Variants in PPP1R7 observed in about 807,000 individuals in gnomAD.
PPP1R7 encodes the protein protein phosphatase 1 regulatory subunit 22.
Under a neutral mutation model 45.2 loss-of-function variants are expected in PPP1R7, and 18 were observed. The ratio of observed to expected loss-of-function variants is 0.40; its 90% CI spans 0.28 to 0.59. PPP1R7 has a LOEUF of 0.59. Ranked by LOEUF, PPP1R7 falls within the 20% of genes least tolerant of loss-of-function variation. PPP1R7 has a pLI of 0.46. For missense variants in PPP1R7, 314 were observed against 455.8 expected (o/e 0.69, Z 2.83); for synonymous variants, 181 against 183.4 (o/e 0.99, Z 0.11).
rs1215190473 is a variant in PPP1R7, at chr2:241,182,781, C to G, written c.1041C>G (p.Leu347=). 6.2e-7 allele frequency: 1 copy of G among 1,614,062 alleles called. No homozygotes were observed. Among genetic ancestry groups the G allele is most frequent in the Admixed American group, 1.7e-5 (1 of 60,022 alleles). ...PQYRRKVMLA[L]PSVRQIDATF... The stretch of plus-strand genomic sequence containing the variant: ...ACCGGCGGAAGGTCATGCTCGCCCT[C>G]CCCTCCGTGCGGCAGATCGATGCCA... The change falls in exon 10 of 10, where the codon CTC becomes CTG. Residue 347 remains leucine, a synonymous_variant. Transcript: ENST00000234038.
intron 8 of PPP1R7, among the ~76,000 whole-genome samples, chr2:241,166,844 C>T (rs1435283623): frequency 6.6e-6 from 1 of 152,226 alleles, no homozygotes; most frequent in East Asian, 1.9e-4. Flanking sequence ...TCCCTTTAGG[C>T]CACTGACCTG....
At chr2:241,169,759 A>T in intron 8 of PPP1R7, 22 bp from the exon 9 acceptor site, 1 of 1,578,308 alleles carries the variant, frequency 6.3e-7, no homozygotes, top group Non-Finnish European at 8.7e-7. Flanking sequence ...AATCCAGGAA[A>T]CATTTTATTT....
At chr2:241,173,839 C>G (rs977481043) in intron 9 of PPP1R7, among the ~76,000 whole-genome samples, 1 of 151,548 alleles carries the variant, frequency 6.6e-6, no homozygotes, top group Non-Finnish European at 1.5e-5. Flanking sequence ...AGTAGCCTAT[C>G]TGCTGTTAAG....
At position 241,150,486 on chromosome 2, in the gene PPP1R7, A is replaced by T; in HGVS notation, c.-10A>T. ...GGCGACAGATTCCGGAAAGGGGAAG[A>T]GCAGCCAACATGGCGGCGGAACGCG... On this transcript the variant is annotated 5_prime_UTR_variant, in exon 1 of 10. Coordinates refer to ENST00000234038, the MANE Select transcript of PPP1R7 (RefSeq NM_002712.3). 1 of 1,596,656 alleles carries T rather than the reference A, an allele frequency of 6.3e-7. No individual in the cohort carries two copies. The highest frequency in any genetic ancestry group is 1.1e-5 in the South Asian group (1 of 88,926).
chr2:241,153,626 G>C, intron 2 of PPP1R7, 22 bp downstream of exon 2: 1 of 1,611,546 alleles, frequency 6.2e-7, no homozygotes, highest in Non-Finnish European at 8.5e-7. Context: ...AGCTCCCTTG[G>C]GGACATCTGC....
intron 1 of PPP1R7, among the ~76,000 whole-genome samples, chr2:241,150,978 G>C (rs1025330062): frequency 1.3e-5 from 2 of 152,214 alleles, no homozygotes; most frequent in Non-Finnish European, 2.9e-5. Context: ...GTCTTCTCTT[G>C]AAATCGAATG....
chr2:241,153,491 A>G lies in PPP1R7; in HGVS notation c.68A>G (p.Glu23Gly). Residue 23 changes from glutamate to glycine, a missense_variant, in exon 2 of 10, where the codon GAG becomes GGG. This residue lies in a region of PPP1R7 where 112 missense variants were observed against 144.5 expected (regional missense o/e 0.78). Coordinates refer to ENST00000234038, the MANE Select transcript of PPP1R7 (RefSeq NM_002712.3). ...QEMMEVDRRV[E>G]SEESGDEEGK... ...GTGGGTTCAGTTGACAGGCGGGTCG[A>G]GTCTGAAGAATCCGGCGATGAAGAA... 1 of 1,614,184 alleles carries G rather than the reference A, an allele frequency of 6.2e-7. No individual in the cohort carries two copies. Among genetic ancestry groups the G allele is most frequent in the South Asian group, 1.1e-5 (1 of 91,088 alleles).
chr2:241,173,503 T>C (rs556465749), intron 9 of PPP1R7, among the ~76,000 whole-genome samples: 2 of 152,280 alleles, frequency 1.3e-5, no homozygotes, highest in South Asian at 2.1e-4. Flanking sequence ...TTGTTTCTTA[T>C]TTTGTTTTGT....
chr2:241,157,849 A>G lies in PPP1R7; in HGVS notation c.224A>G (p.Asp75Gly). 1.9e-6 allele frequency: 3 copies of G among 1,614,106 alleles called. No homozygotes were observed. The highest frequency in any genetic ancestry group is 2.5e-6 in the Non-Finnish European group (3 of 1,179,920). ...LPVDMETINL[D>G]RDAEDVDLNH... ...GTGGACATGGAAACCATCAACCTGG[A>G]CAGAGATGCAGAGGTAATGCCGCCT... The change falls in exon 3 of 10, where the codon GAC (aspartate) becomes GGC (glycine). Residue 75 changes from aspartate (D) to glycine (G), a missense_variant. By Grantham distance (94) the Asp-to-Gly change is moderately conservative (BLOSUM62 -1). Transcript: ENST00000234038.
At chr2:241,180,687 C>T (rs1371287557) in intron 9 of PPP1R7, among the ~76,000 whole-genome samples, 2 of 151,916 alleles carry the variant, frequency 1.3e-5, no homozygotes, top group Non-Finnish European at 2.9e-5. Context: ...ACCAGCGGGG[C>T]GGTGCGAGTG....
chr2:241,158,426 C>T (rs765273771), intron 3 of PPP1R7, 58 bp from the exon 4 acceptor site: 16 of 1,565,532 alleles, frequency 1.0e-5, no homozygotes, highest in Admixed American at 1.7e-5. Flanking sequence ...TCTTCTAGGA[C>T]GACACAGGTC....
At chr2:241,158,636 G>T in intron 4 of PPP1R7, 87 bp downstream of exon 4, 1 of 1,367,038 alleles carries the variant, frequency 7.3e-7, no homozygotes, top group East Asian at 2.3e-5. Flanking sequence ...CTGAGTTGTG[G>T]TCCTTGTCCC....
chr2:241,181,247 G>A (rs1433590846), intron 9 of PPP1R7, among the ~76,000 whole-genome samples: 2 of 152,084 alleles, frequency 1.3e-5, no homozygotes, highest in East Asian at 3.9e-4. Flanking sequence ...TGAGATGCAC[G>A]TTATATTCCT....
rs1189069005 is a variant in PPP1R7, at chr2:241,182,673, G to C, written c.933G>C (p.Trp311Cys). 1 of 1,614,060 alleles carries C rather than the reference G, an allele frequency of 6.2e-7. No homozygotes were observed. The highest frequency in any genetic ancestry group is 8.5e-7 in the Non-Finnish European group (1 of 1,180,056). Residue 311 changes from tryptophan to cysteine, a missense_variant, in exon 10 of 10, where the codon TGG (tryptophan) becomes TGC (cysteine). Physicochemically the swap from Trp to Cys is radical, Grantham distance 215. Around this residue, in one of 3 missense-constraint regions of PPP1R7, gnomAD observed 168 missense variants for 285.3 expected, o/e 0.59. Coordinates refer to ENST00000234038, the MANE Select transcript of PPP1R7 (RefSeq NM_002712.3). ...TGAACGACAATCTCCTTGAGAGCTG[G>C]AGCGACCTCGACGAGCTGAAGGGAG... ...FWMNDNLLES[W>C]SDLDELKGAR...
chr2:241,160,227 A>T, intron 5 of PPP1R7, 105 bp from the exon 6 acceptor site: 20 of 628,030 alleles, frequency 3.2e-5, no homozygotes, highest in Non-Finnish European at 4.9e-5. Flanking sequence ...CCCGGTAGTG[A>T]CTGCCGTCCC....
At chr2:241,179,271 C>T (rs1540528) in intron 9 of PPP1R7, among the ~76,000 whole-genome samples, 24,448 of 152,104 alleles carry the variant, frequency 0.16, 2,638 homozygotes, top group Middle Eastern at 0.3. Context: ...ACAGAGAACT[C>T]GCTAATTGCA....
Position 241,182,799 on chromosome 2 carries a change from C to G in PPP1R7, c.1059C>G (p.Ile353Met). 6.2e-7 allele frequency: 1 copy of G among 1,613,422 alleles called. No individual in the cohort carries two copies. Among genetic ancestry groups the G allele is most frequent in the Non-Finnish European group, 8.5e-7 (1 of 1,179,420 alleles). Residue 353 changes from isoleucine to methionine, a missense_variant, in exon 10 of 10, where the codon ATC becomes ATG. Ile to Met is a conservative substitution (Grantham distance 10, BLOSUM62 1). Coordinates refer to ENST00000234038, the MANE Select transcript of PPP1R7 (RefSeq NM_002712.3). ...VMLALPSVRQ[I>M]DATFVRF ...TCGCCCTCCCCTCCGTGCGGCAGAT[C>G]GATGCCACGTTCGTCAGGTTCTGAG...
At chr2:241,154,803 T>C (rs1234992457) in intron 2 of PPP1R7, among the ~76,000 whole-genome samples, 1 of 152,134 alleles carries the variant, frequency 6.6e-6, no homozygotes, top group Non-Finnish European at 1.5e-5. Context: ...AAACAGCAGG[T>C]TTAAGAAGGA....
intron 9 of PPP1R7, among the ~76,000 whole-genome samples, chr2:241,176,103 A>G (rs960631947): frequency 1.3e-5 from 2 of 152,006 alleles, no homozygotes; most frequent in African/African-American, 4.8e-5. Context: ...TGTAGAGACA[A>G]GGTCTCACTG....
Sources: allele counts gnomAD v4.1 joint callset (sites outside exome capture counted in the v4.1 genomes callset), GRCh38; gene constraint gnomAD v4.1.1; regional missense constraint gnomAD v4.1.1; transcripts MANE v1.5; gene names NCBI Gene and HGNC (gene_info 2026-07-23, HGNC 2026-07-21).